TBC1D2: variants seen among roughly 807,000 people sequenced by gnomAD.
The protein encoded by TBC1D2 is TBC1 domain family member 2.
In TBC1D2, 58 loss-of-function variants were observed where a neutral mutation model predicts 91.1. The observed-to-expected ratio is 0.64, with a 90% CI of 0.52 to 0.79. The LOEUF (loss-of-function observed/expected upper bound fraction) is 0.79, where lower values mean the gene tolerates loss of function less well. Among genes scored for constraint, TBC1D2 ranks in the 30% least tolerant of loss-of-function variants. The pLI, the probability that TBC1D2 is intolerant of heterozygous loss-of-function variation, is 0.00. For synonymous variants in TBC1D2, 482 were observed against 511.5 expected (o/e 0.94, Z 0.78); for missense variants, 1,080 against 1,208.3 (o/e 0.89, Z 1.57).
At position 98,203,191 on chromosome 9, in the gene TBC1D2, G is replaced by A. The variant is rs1022206786; in HGVS notation, c.2271+97C>T. 5.5e-5 allele frequency: 85 copies of A among 1,543,790 alleles called. 1 individual carries two copies. Among genetic ancestry groups the A allele is most frequent in the South Asian group, 2.2e-4 (18 of 80,998 alleles). On this transcript the variant is annotated intron_variant, in intron 10 of 12. Coordinates refer to ENST00000465784, the MANE Select transcript of TBC1D2 (RefSeq NM_001267571.2). The stretch of plus-strand genomic sequence containing the variant: ...AGTGCAGAGGGAGAAATGGAAGCCC[G>A]AGAGATTCCCAACTTTCCTGAGAGT...
In TBC1D2 at chr9:98,229,049, A is replaced by G; in HGVS notation, c.881T>C (p.Phe294Ser). 1 of 1,614,200 alleles carries G rather than the reference A, an allele frequency of 6.2e-7. No homozygotes were observed. Among genetic ancestry groups the G allele is most frequent in the Admixed American group, 1.7e-5 (1 of 60,028 alleles). The change falls in exon 5 of 13, where the codon TTT becomes TCT. Residue 294 changes from phenylalanine (F) to serine (S), a missense_variant. Coordinates refer to ENST00000465784, the MANE Select transcript of TBC1D2 (RefSeq NM_001267571.2). The stretch of plus-strand genomic sequence containing the variant: ...TCGGTTCCGTGTGATTCCTTCAGAA[A>G]AGAATGGGAAGGTGTTGTTCTGGCG... ...AKRQNNTFPF[F>S]SEGITRNRTA... is the part of the protein sequence containing the mutation.
At chr9:98,251,204 T>C (rs1350963843) in intron 2 of TBC1D2, among the ~76,000 whole-genome samples, 2 of 151,982 alleles carry the variant, frequency 1.3e-5, no homozygotes, top group Non-Finnish European at 2.9e-5. Flanking sequence ...AGGCAGAGAA[T>C]TGCTTAAACC....
intron 3 of TBC1D2, among the ~76,000 whole-genome samples, chr9:98,240,588 T>C (rs951647674): frequency 6.6e-6 from 1 of 152,152 alleles, no homozygotes; most frequent in African/African-American, 2.4e-5. Context: ...CAGGGCCATA[T>C]CCCTATAGCT....
At position 98,227,401 on chromosome 9, in the gene TBC1D2, G is replaced by A. The variant is rs143130019; in HGVS notation, c.978+1551C>T. 1.9e-3 allele frequency among the ~76,000 whole-genome samples: 295 copies of A among 152,248 alleles called. 5 individuals carry two copies. The highest frequency in any genetic ancestry group is 7.2e-4 in the Non-Finnish European group (49 of 68,008). ...GTGAATAAACACATGAGTTAAGAACGTATGAATAAATGAGCCCCCTCCTTT... is the reference window on the plus strand; with the variant it reads ...GTGAATAAACACATGAGTTAAGAACATATGAATAAATGAGCCCCCTCCTTT... On this transcript the variant is annotated intron_variant, in intron 5 of 12. Transcript: ENST00000465784.
intron 6 of TBC1D2, among the ~76,000 whole-genome samples, chr9:98,215,878 A>T (rs1264956615): frequency 1.3e-5 from 2 of 152,140 alleles, no homozygotes; most frequent in African/African-American, 2.4e-5. Context: ...CACCAGCTGG[A>T]ATCCACCTGG....
At chr9:98,251,446 C>A (rs924008649) in intron 2 of TBC1D2, among the ~76,000 whole-genome samples, 1 of 152,162 alleles carries the variant, frequency 6.6e-6, no homozygotes, top group Non-Finnish European at 1.5e-5. Context: ...GTATTGGGTT[C>A]TGACCATGTG....
intron 5 of TBC1D2, among the ~76,000 whole-genome samples, chr9:98,224,498 G>A (rs975977453): frequency 2.0e-5 from 3 of 151,904 alleles, no homozygotes; most frequent in African/African-American, 7.3e-5. Flanking sequence ...GTTCGGGGTG[G>A]TCTTGAACTC....
In TBC1D2 at chr9:98,251,821, G is replaced by A. The variant is rs377112925; in HGVS notation, c.475C>T (p.Leu159=). 3.1e-6 allele frequency: 5 copies of A among 1,603,964 alleles called. No homozygotes were observed. Among genetic ancestry groups the A allele is most frequent in the African/African-American group, 1.3e-5 (1 of 74,260 alleles). Residue 159 remains leucine (L), a synonymous_variant, in exon 2 of 13, where the codon CTG becomes TTG. Coordinates refer to ENST00000465784, the MANE Select transcript of TBC1D2 (RefSeq NM_001267571.2). ...PAPPATPDAA[L]AGNGPVLHLE... is the part of the protein sequence containing the mutation. ...TGCAGGACGGGCCCATTCCCAGCCA[G>A]GGCGGCATCAGGGGTGGCAGGAGGT...
chr9:98,251,834 G>C lies in TBC1D2; in HGVS notation c.462C>G (p.Thr154=). 1 of 1,605,108 alleles carries C rather than the reference G, an allele frequency of 6.2e-7. No homozygotes were observed. Among genetic ancestry groups the C allele is most frequent in the African/African-American group, 1.3e-5 (1 of 74,244 alleles). The change falls in exon 2 of 13, where the codon ACC becomes ACG. Residue 154 remains threonine (T), a synonymous_variant. Transcript: ENST00000465784. ...FHNSPPAPPA[T]PDAALAGNGP... ...CATTCCCAGCCAGGGCGGCATCAGG[G>C]GTGGCAGGAGGTGCCGGCGGGCTGT...
rs1829425182 is a variant in TBC1D2 at position 98,233,516 on chromosome 9, C to T, written c.681G>A (p.Gln227=). The T allele has an allele frequency of 6.2e-7, 1 of 1,614,206 alleles. No homozygotes were observed. The highest frequency in any genetic ancestry group is 8.5e-7 in the Non-Finnish European group (1 of 1,180,034). The change falls in exon 4 of 13, where the codon CAG becomes CAA. Residue 227 remains glutamine, a synonymous_variant. Transcript: ENST00000465784. ...NTMHNIRGNK[Q]AQGTGHEPPG... is the part of the protein sequence containing the mutation. ...GAGGTTCATGGCCTGTTCCCTGGGC[C>T]TGCTTGTTGCCACGGATGTTGTGCA...
intron 5 of TBC1D2, among the ~76,000 whole-genome samples, chr9:98,226,229 A>AAGAC (rs1295257979): frequency 3.9e-5 from 6 of 152,210 alleles, no homozygotes; most frequent in African/African-American, 1.4e-4. Flanking sequence ...ATGTGGAATG[A>AAGAC]AGACCTAAGC....
Position 98,244,013 on chromosome 9 carries a change from G to A in TBC1D2, c.628C>T (p.His210Tyr). The A allele has an allele frequency of 1.9e-6, 3 of 1,608,222 alleles. No individual in the cohort carries two copies. The highest frequency in any genetic ancestry group is 2.5e-6 in the Non-Finnish European group (3 of 1,177,392). Reference protein sequence around the residue: ...FPALQNISLKHLGTEIQNTMH... With the variant: ...FPALQNISLKYLGTEIQNTMH... ...ACTTACTGTATTTCAGTCCCCAGGT[G>A]CTTGAGGGAAATATTCTGAAGGGCA... Residue 210 changes from histidine to tyrosine, a missense_variant, in exon 3 of 13, where the codon CAC (histidine) becomes TAC (tyrosine). Coordinates refer to ENST00000465784, the MANE Select transcript of TBC1D2 (RefSeq NM_001267571.2).
chr9:98,249,848 G>A (rs539228482), intron 2 of TBC1D2, among the ~76,000 whole-genome samples: 2 of 152,264 alleles, frequency 1.3e-5, no homozygotes, highest in South Asian at 2.1e-4. Context: ...GTTATGCTAA[G>A]GGGTTTACAT....
chr9:98,235,717 G>A (rs923284421), intron 3 of TBC1D2: 31 of 281,768 alleles, frequency 1.1e-4, no homozygotes, highest in African/African-American at 5.4e-4. Context: ...CTGAAGATGT[G>A]TATCCCTAAT....
In TBC1D2 at chr9:98,213,100, C is replaced by T. The variant is rs1487850032; in HGVS notation, c.1485+8G>A. 2.5e-6 allele frequency: 4 copies of T among 1,613,862 alleles called. No homozygotes were observed. Among genetic ancestry groups the T allele is most frequent in the South Asian group, 1.1e-5 (1 of 91,058 alleles). ...TGGAGACGGCTGGAATAGGGCCCCA[C>T]CCCGCACCTTCGTCAGAAGGGCCTT... On this transcript the variant is annotated splice_region_variant and intron_variant, in intron 7 of 12. Coordinates refer to ENST00000465784, the MANE Select transcript of TBC1D2 (RefSeq NM_001267571.2).
intron 11 of TBC1D2, 120 bp from the exon 12 acceptor site, chr9:98,200,494 G>A (rs930772620): frequency 1.1e-6 from 1 of 882,920 alleles, no homozygotes. Flanking sequence ...CGGAAGTTGA[G>A]GCCTGGAGGC....
At chr9:98,201,448 G>C in intron 11 of TBC1D2, 31 bp downstream of exon 11, 1 of 1,601,578 alleles carries the variant, frequency 6.2e-7, no homozygotes, top group Non-Finnish European at 8.5e-7. Context: ...TTGCTCAGGG[G>C]CCCCCTGCCC....
In TBC1D2 at chr9:98,255,317, T is replaced by C. The variant is rs1260685991; in HGVS notation, c.225A>G (p.Lys75=). The C allele has an allele frequency of 5.6e-6, 9 of 1,614,082 alleles. No individual in the cohort carries two copies. Among genetic ancestry groups the C allele is most frequent in the Admixed American group, 5.0e-5 (3 of 60,008 alleles). The change falls in exon 1 of 13, where the codon AAA becomes AAG. Residue 75 remains lysine (K), a synonymous_variant. Transcript: ENST00000465784. ...CGGTCCGCGAGTAATACAGCTGACA[T>C]TTCCTTTCGTCGTAGAAGAACCAGC... ...KSRWFFYDER[K]CQLYYSRTAQ...
chr9:98,237,900 CTTTT>C (rs1194780255), intron 3 of TBC1D2, among the ~76,000 whole-genome samples: 2 of 139,056 alleles, frequency 1.4e-5, no homozygotes, highest in Non-Finnish European at 3.1e-5. Context: ...TTTTTTTTTT[CTTTT>C]TTTTCTTTTT....
Sources: allele counts gnomAD v4.1 joint callset (sites outside exome capture counted in the v4.1 genomes callset), GRCh38; gene constraint gnomAD v4.1.1; transcripts MANE v1.5; gene names NCBI Gene and HGNC (gene_info 2026-07-23, HGNC 2026-07-21).